NTF4: variants seen among roughly 807,000 people sequenced by gnomAD.
The protein encoded by NTF4 is neurotrophin 4, also known as neurotrophin-4.
A neutral mutation model predicts 4.4 loss-of-function variants in NTF4; 2 were observed. That is an observed-to-expected ratio of 0.46 (90% CI 0.19 to 1.44). NTF4 has a LOEUF of 1.44. Ranked by LOEUF, NTF4 falls within the 40% of genes most tolerant of loss-of-function variation. NTF4 has a pLI of 0.26. For missense variants in NTF4, 260 were observed against 293.0 expected (o/e 0.89, Z 0.82); for synonymous variants, 127 against 122.0 (o/e 1.04, Z -0.27).
chr19:49,063,251 C>G (rs989603098), upstream of NTF4, among the ~76,000 whole-genome samples: 1 of 151,902 alleles, frequency 6.6e-6, no homozygotes. Flanking sequence ...AAGCAATAGT[C>G]GTGTCCTGGC....
At chr19:49,063,404 G>A (rs1353181647), upstream of NTF4, among the ~76,000 whole-genome samples, 2 of 148,840 alleles carry the variant, frequency 1.3e-5, no homozygotes, top group Non-Finnish European at 3.0e-5. Flanking sequence ...TGCAAGCTCC[G>A]CCTCCCAAGT....
chr19:49,059,405 A>G (rs374330957), downstream of NTF4, among the ~76,000 whole-genome samples: 150 of 152,162 alleles, frequency 9.9e-4, no homozygotes, highest in African/African-American at 3.4e-3. Context: ...GAATAAATAC[A>G]ACAAGAAAGG....
At chr19:49,059,592 G>A (rs989893753), downstream of NTF4, among the ~76,000 whole-genome samples, 6 of 152,152 alleles carry the variant, frequency 3.9e-5, no homozygotes, top group Non-Finnish European at 7.3e-5. Flanking sequence ...CTGCCCAGGG[G>A]CCTGGTCTGT....
chr19:49,063,549 T>C (rs576526328), upstream of NTF4, among the ~76,000 whole-genome samples: 33 of 152,230 alleles, frequency 2.2e-4, no homozygotes, highest in African/African-American at 7.5e-4. Context: ...ACCTCAAAAC[T>C]GCCACTAAGG....
At chr19:49,059,247 T>G (rs1468326682), downstream of NTF4, among the ~76,000 whole-genome samples, 1 of 152,164 alleles carries the variant, frequency 6.6e-6, no homozygotes, top group East Asian at 1.9e-4. Flanking sequence ...CCGCACGTGC[T>G]GAAGGAGTCA....
chr19:49,058,330 G>A (rs1568406486), downstream of NTF4: 1 of 1,478,856 alleles, frequency 6.8e-7, no homozygotes, highest in South Asian at 1.3e-5. Flanking sequence ...CGGAGGTAGA[G>A]GGTCCGCGAC....
chr19:49,058,358 G>C (rs917249878), downstream of NTF4: 7 of 1,360,898 alleles, frequency 5.1e-6, no homozygotes, highest in African/African-American at 7.3e-5. Flanking sequence ...TGGAGAGAAG[G>C]CGCCGCACAT....
downstream of NTF4, chr19:49,058,922 C>T (rs577976767): frequency 6.5e-6 from 1 of 152,764 alleles, no homozygotes; most frequent in Admixed American, 6.5e-5. Context: ...GACAGGGACT[C>T]CAAGAGGGGC....
chr19:49,063,256 C>T (rs181785252), upstream of NTF4, among the ~76,000 whole-genome samples: 1 of 152,084 alleles, frequency 6.6e-6, no homozygotes, highest in East Asian at 1.9e-4. Context: ...ATAGTCGTGT[C>T]CTGGCCTCCC....
At position 49,061,505 on chromosome 19, in the gene NTF4, G is replaced by T. The variant is rs371734511; in HGVS notation, c.493C>A (p.His165Asn). 7 of 1,614,008 alleles carry T rather than the reference G, an allele frequency of 4.3e-6. No homozygotes were observed. Among genetic ancestry groups the T allele is most frequent in the Non-Finnish European group, 5.1e-6 (6 of 1,180,028 alleles). The change falls in exon 1 of 1, where the codon CAC becomes AAC. Residue 165 changes from histidine (H) to asparagine (N), a missense_variant. His to Asn is a moderately conservative substitution (Grantham distance 68, BLOSUM62 1). Transcript: ENST00000593537. This position sits in a 1 kb window ranked among gnomAD's most constrained non-coding sequence, Gnocchi z 4.9. ...TTGGCCTTGCACTCAGATACCCAGT[G>T]CCTCCTGTCCACTCCCCGGCAGCCC...
Position 49,061,440 on chromosome 19 carries a change from G to A in NTF4, c.558C>T (p.Gly186=). 10 of 1,614,022 alleles carry A rather than the reference G, an allele frequency of 6.2e-6. No individual in the cohort carries two copies. Among genetic ancestry groups the A allele is most frequent in the Non-Finnish European group, 7.6e-6 (9 of 1,179,980 alleles). Residue 186 remains glycine, a synonymous_variant, in exon 1 of 1, where the codon GGC becomes GGT. Coordinates refer to ENST00000593537, the Ensembl canonical transcript of NTF4. The surrounding 1 kb of genome is among the most constrained non-coding windows in gnomAD (Gnocchi z 4.9). ...TTCGAATCCATCGCCAGCCCACACG[G>A]CCCTGGGCATCAGCGGTCAATGCCC... is the stretch of plus-strand genomic sequence containing the variant.
At chr19:49,064,086 A>T (rs539228139), upstream of NTF4, 4 of 152,766 alleles carry the variant, frequency 2.6e-5, no homozygotes, top group African/African-American at 9.6e-5. Context: ...GAGGCAGTGG[A>T]TGAAGGAGGC....
In NTF4 at chr19:49,061,392, T is replaced by C; in HGVS notation, c.606A>G (p.Thr202=). 1.2e-6 allele frequency: 2 copies of C among 1,612,592 alleles called. No individual in the cohort carries two copies. The highest frequency in any genetic ancestry group is 1.7e-6 in the Non-Finnish European group (2 of 1,180,002). Reference sequence around the variant, plus strand: ...AGGCCCGGCCAGTCCGGCTGAGGAGTGTGCAGACGCAGGCAGTGTCAATTC... The same window carrying C: ...AGGCCCGGCCAGTCCGGCTGAGGAGCGTGCAGACGCAGGCAGTGTCAATTC... Residue 202 remains threonine, a synonymous_variant, in exon 1 of 1, where the codon ACA becomes ACG. Coordinates refer to ENST00000593537, the Ensembl canonical transcript of NTF4. The surrounding 1 kb of genome is among the most constrained non-coding windows in gnomAD (Gnocchi z 4.9).
Position 49,061,522 on chromosome 19 carries a change from C to T in NTF4, c.476G>A (p.Arg159Gln), listed in dbSNP as rs1600247486. The T allele has an allele frequency of 3.7e-6, 6 of 1,614,162 alleles. No individual in the cohort carries two copies. The highest frequency in any genetic ancestry group is 4.5e-5 in the East Asian group (2 of 44,884). ...TACCCAGTGCCTCCTGTCCACTCCCCGGCAGCCCCCTCCACCTGCCCCCGG... is the reference window on the plus strand; with the variant it reads ...TACCCAGTGCCTCCTGTCCACTCCCTGGCAGCCCCCTCCACCTGCCCCCGG... Residue 159 changes from arginine to glutamine, a missense_variant, in exon 1 of 1, where the codon CGG (arginine) becomes CAG (glutamine). By Grantham distance (43) the Arg-to-Gln change is conservative (BLOSUM62 1). Coordinates refer to ENST00000593537, the Ensembl canonical transcript of NTF4. This position sits in a 1 kb window ranked among gnomAD's most constrained non-coding sequence, Gnocchi z 4.9.
Position 49,061,925 on chromosome 19 carries a change from G to C in NTF4, c.73C>G (p.Gln25Glu), listed in dbSNP as rs756157777. Reference sequence around the variant, plus strand: ...GGGGGCAATGTTGAGGGTGGGGGTTGGGACTCAATTGGCACACTGGGGAGG... The same window carrying C: ...GGGGGCAATGTTGAGGGTGGGGGTTCGGACTCAATTGGCACACTGGGGAGG... Residue 25 changes from glutamine (Q) to glutamate (E), a missense_variant, in exon 1 of 1, where the codon CAA becomes GAA. Physicochemically the swap from Gln to Glu is conservative, Grantham distance 29 (BLOSUM62 2). Transcript: ENST00000593537. The surrounding 1 kb of genome is among the most constrained non-coding windows in gnomAD (Gnocchi z 4.9). 1 of 1,524,926 alleles carries C rather than the reference G, an allele frequency of 6.6e-7. No individual in the cohort carries two copies. The highest frequency in any genetic ancestry group is 8.9e-7 in the Non-Finnish European group (1 of 1,126,110). The allele number at this position is 1,524,926 out of a possible 1,614,324, so 94.5% of individuals were successfully genotyped here. A position where few individuals can be genotyped will look rare whatever the true frequency, so the allele number is the denominator to read the frequency against.
chr19:49,060,440 T>G (rs1226760904), downstream of NTF4, among the ~76,000 whole-genome samples: 2 of 152,162 alleles, frequency 1.3e-5, no homozygotes, highest in African/African-American at 4.8e-5. Flanking sequence ...CAAGCAATTC[T>G]CCTACCTCAC....
In NTF4 at chr19:49,061,944, G is replaced by A. The variant is rs1398350121; in HGVS notation, c.54C>T (p.Pro18=). The A allele has an allele frequency of 4.0e-6, 6 of 1,511,978 alleles. No individual in the cohort carries two copies. The Admixed American group carries it at 8.1e-5, about 21-fold the overall frequency. 93.7% of individuals were successfully genotyped at this position (1,511,978 alleles called of 1,614,324 possible). A position where few individuals can be genotyped will look rare whatever the true frequency, so the allele number is the denominator to read the frequency against. ...GGGGTTGGGACTCAATTGGCACACT[G>A]GGGAGGAGGAAAAGGAGGAGGATGG... The change falls in exon 1 of 1, where the codon CCC becomes CCT. Residue 18 remains proline, a synonymous_variant. Coordinates refer to ENST00000593537, the Ensembl canonical transcript of NTF4. This position sits in a 1 kb window ranked among gnomAD's most constrained non-coding sequence, Gnocchi z 4.9.
At chr19:49,062,682 G>A, upstream of NTF4, among the ~76,000 whole-genome samples, 1 of 152,152 alleles carries the variant, frequency 6.6e-6, no homozygotes, top group East Asian at 1.9e-4. Context: ...TACTTGGGAG[G>A]CTGAGGCAGG....
In NTF4 at chr19:49,061,454, C is replaced by T. The variant is rs1488911653; in HGVS notation, c.544G>A (p.Ala182Thr). The T allele has an allele frequency of 3.7e-6, 6 of 1,614,048 alleles. No homozygotes were observed. Among genetic ancestry groups the T allele is most frequent in the Admixed American group, 1.7e-5 (1 of 60,034 alleles). Residue 182 changes from alanine (A) to threonine (T), a missense_variant, in exon 1 of 1, where the codon GCT (alanine) becomes ACT (threonine). Physicochemically the swap from Ala to Thr is moderately conservative, Grantham distance 58 (BLOSUM62 0). Coordinates refer to ENST00000593537, the Ensembl canonical transcript of NTF4. The surrounding 1 kb of genome is among the most constrained non-coding windows in gnomAD (Gnocchi z 4.9). The stretch of plus-strand genomic sequence containing the variant: ...CAGCCCACACGGCCCTGGGCATCAG[C>T]GGTCAATGCCCGCACATAGGACTGC...
Sources: allele counts gnomAD v4.1 joint callset (sites outside exome capture counted in the v4.1 genomes callset), GRCh38; gene constraint gnomAD v4.1.1; non-coding constraint Gnocchi (gnomAD v3.1); transcripts MANE v1.5; gene names NCBI Gene and HGNC (gene_info 2026-07-23, HGNC 2026-07-21).